AFF3: variants seen among roughly 807,000 people sequenced by gnomAD.
The protein encoded by AFF3 is ALF transcription elongation factor 3.
AFF3 carries 32 observed loss-of-function variants against 129.7 expected under a neutral mutation model. The observed-to-expected ratio is 0.25, with a 90% CI of 0.19 to 0.33. The LOEUF is 0.33. Ranked by LOEUF, AFF3 falls within the 10% of genes least tolerant of loss-of-function variation. The pLI, the probability that AFF3 is intolerant of heterozygous loss-of-function variation, is 1.00. For synonymous variants in AFF3, 644 were observed against 635.4 expected (o/e 1.01, Z -0.20); for missense variants, 1,373 against 1,592.0 (o/e 0.86, Z 2.34).
At chr2:100,048,775 TGTATGA>T (rs1686043084) in intron 4 of AFF3, among the ~76,000 whole-genome samples, 1 of 152,216 alleles carries the variant, frequency 6.6e-6, no homozygotes, top group South Asian at 2.1e-4. Flanking sequence ...AATGTAGAAA[TGTATGA>T]GTATAATCTT....
intron 11 of AFF3, among the ~76,000 whole-genome samples, chr2:99,702,149 G>A (rs752687702): frequency 6.6e-5 from 10 of 152,250 alleles, no homozygotes; most frequent in Admixed American, 2.0e-4. Context: ...GAGTGCAACC[G>A]CTGGGTCCAT....
intron 7 of AFF3, among the ~76,000 whole-genome samples, chr2:99,945,375 G>A (rs920839461): frequency 3.9e-5 from 6 of 152,136 alleles, no homozygotes; most frequent in Non-Finnish European, 7.3e-5. Flanking sequence ...TCTGCTGATG[G>A]GGTGAAGAGC....
chr2:99,718,481 G>C (rs1038854829), intron 11 of AFF3, among the ~76,000 whole-genome samples: 7 of 152,158 alleles, frequency 4.6e-5, no homozygotes, highest in Non-Finnish European at 7.4e-5. Context: ...AAACACAATA[G>C]ATTTTTGGTT....
At chr2:100,103,551 C>T (rs1432423272) in intron 4 of AFF3, among the ~76,000 whole-genome samples, 3 of 150,806 alleles carry the variant, frequency 2.0e-5, no homozygotes, top group African/African-American at 7.3e-5. Context: ...GGGAATAAGA[C>T]AGATACTAAA....
At chr2:99,868,006 C>CTT (rs1188101856) in intron 7 of AFF3, among the ~76,000 whole-genome samples, 403 of 129,458 alleles carry the variant, frequency 3.1e-3, no homozygotes, top group Non-Finnish European at 4.4e-3. Flanking sequence ...ACCCACGACT[C>CTT]TCTTTCTTTC....
intron 7 of AFF3, among the ~76,000 whole-genome samples, chr2:99,981,214 C>A (rs1559030309): frequency 6.6e-6 from 1 of 152,080 alleles, no homozygotes; most frequent in Non-Finnish European, 1.5e-5. Context: ...GATAGGGTTT[C>A]TCCATGTTGG....
At chr2:99,746,741 G>A (rs1170121007) in intron 9 of AFF3, among the ~76,000 whole-genome samples, 1 of 152,226 alleles carries the variant, frequency 6.6e-6, no homozygotes, top group African/African-American at 2.4e-5. Context: ...AGATTGGTAC[G>A]TTTTCCTTCT....
chr2:99,983,662 C>G (rs1386217628), intron 7 of AFF3, among the ~76,000 whole-genome samples: 1 of 152,100 alleles, frequency 6.6e-6, no homozygotes, highest in African/African-American at 2.4e-5. Context: ...TCTGGGCAAT[C>G]TAGGTGAGAA....
intron 7 of AFF3, among the ~76,000 whole-genome samples, chr2:99,993,664 C>A (rs1680561775): frequency 6.6e-6 from 1 of 151,310 alleles, no homozygotes; most frequent in Non-Finnish European, 1.5e-5. Flanking sequence ...GCTAAAAATA[C>A]AGATCAAAGC....
At chr2:99,576,891 T>C (rs1677050186) in intron 18 of AFF3, among the ~76,000 whole-genome samples, 1 of 152,202 alleles carries the variant, frequency 6.6e-6, no homozygotes. Context: ...CACCTGACTG[T>C]ACTCCCACTC....
intron 7 of AFF3, among the ~76,000 whole-genome samples, chr2:99,960,914 T>C (rs959530973): frequency 2.0e-5 from 3 of 152,188 alleles, no homozygotes; most frequent in Admixed American, 2.0e-4. Context: ...TGAGCTGCCC[T>C]GATGTAGCTG....
rs545629379 is a variant in AFF3, at chr2:100,047,612, T to C, written c.54-38680A>G. ...AACAATTTTTTTAAACAAGATACAG[T>C]TGGAGTGATTAAAATCTTGAGTTAA... is the stretch of plus-strand genomic sequence containing the variant. On this transcript the variant is annotated intron_variant, in intron 4 of 24. Transcript: ENST00000672756. 6.4e-4 allele frequency among the ~76,000 whole-genome samples: 98 copies of C among 152,304 alleles called. 1 individual carries two copies. The highest frequency in any genetic ancestry group is 3.4e-3 in the Middle Eastern group (1 of 294).
At chr2:100,002,638 CCA>C (rs1275308599) in intron 7 of AFF3, among the ~76,000 whole-genome samples, 3 of 152,178 alleles carry the variant, frequency 2.0e-5, no homozygotes, top group Non-Finnish European at 4.4e-5. Context: ...TCTTTCCTTA[CCA>C]CTGACTAAGC....
chr2:100,121,603 A>C (rs1691970036), intron 2 of AFF3, among the ~76,000 whole-genome samples: 1 of 152,208 alleles, frequency 6.6e-6, no homozygotes, highest in Non-Finnish European at 1.5e-5. Context: ...CTGAATCTTA[A>C]AGGATGAGCT....
intron 11 of AFF3, among the ~76,000 whole-genome samples, chr2:99,693,621 T>C (rs1444786086): frequency 6.6e-6 from 1 of 152,178 alleles, no homozygotes; most frequent in Non-Finnish European, 1.5e-5. Flanking sequence ...GGCCGGTTCC[T>C]TAAGAGCAGG....
chr2:100,005,718 T>C (rs375280790), intron 7 of AFF3, among the ~76,000 whole-genome samples: 1 of 152,180 alleles, frequency 6.6e-6, no homozygotes, highest in South Asian at 2.1e-4. Context: ...TAAACGGTGA[T>C]ATGTTGATAT....
At chr2:99,814,360 A>C (rs891842139) in intron 8 of AFF3, among the ~76,000 whole-genome samples, 1 of 152,170 alleles carries the variant, frequency 6.6e-6, no homozygotes, top group Non-Finnish European at 1.5e-5. Context: ...GATATAGCAC[A>C]GAAGGGTATA....
At chr2:100,107,488 T>TA (rs1231103883) in intron 2 of AFF3, 2 of 985,200 alleles carry the variant, frequency 2.0e-6, no homozygotes, top group East Asian at 1.1e-4. Context: ...TCTCTAAAAA[T>TA]AAAAATGTTA....
At chr2:99,727,165 G>A in intron 10 of AFF3, 37 bp from the exon 11 acceptor site, 2 of 1,549,848 alleles carry the variant, frequency 1.3e-6, no homozygotes, top group Non-Finnish European at 1.8e-6. Context: ...CGACATATGA[G>A]TCTTACAGTC....
Sources: allele counts gnomAD v4.1 joint callset (sites outside exome capture counted in the v4.1 genomes callset), GRCh38; gene constraint gnomAD v4.1.1; transcripts MANE v1.5; gene names NCBI Gene and HGNC (gene_info 2026-07-23, HGNC 2026-07-21).